GRIK3: variants seen among roughly 807,000 people sequenced by gnomAD.
The protein encoded by GRIK3 is glutamate ionotropic receptor kainate type subunit 3, also known as glutamate receptor ionotropic, kainate 3.
A neutral mutation model predicts 102.5 loss-of-function variants in GRIK3; 29 were observed. The ratio of observed to expected loss-of-function variants is 0.28; its 90% CI spans 0.21 to 0.39. The LOEUF (loss-of-function observed/expected upper bound fraction) is 0.39, where lower values mean the gene tolerates loss of function less well. Ranked by LOEUF, GRIK3 falls within the 10% of genes least tolerant of loss-of-function variation. The pLI is 1.00. For missense variants in GRIK3, 908 were observed against 1,252.4 expected, an observed-to-expected ratio of 0.73 and a Z score of 4.15; for synonymous variants, 511 against 504.9, an observed-to-expected ratio of 1.01 and a Z score of -0.16.
At chr1:36,960,490 C>T (rs911680955) in intron 1 of GRIK3, among the ~76,000 whole-genome samples, 4 of 152,282 alleles carry the variant, frequency 2.6e-5, no homozygotes, top group African/African-American at 9.6e-5. Flanking sequence ...ACTGGAAGCC[C>T]CTGGAGAAAG....
chr1:36,972,118 C>G (rs374337479), intron 1 of GRIK3, among the ~76,000 whole-genome samples: 6 of 152,328 alleles, frequency 3.9e-5, no homozygotes, highest in African/African-American at 1.2e-4. Context: ...CCAGGCCACA[C>G]GCGGAGGCTC....
chr1:36,932,573 A>G (rs1641607986), intron 1 of GRIK3, among the ~76,000 whole-genome samples: 2 of 152,218 alleles, frequency 1.3e-5, no homozygotes, highest in South Asian at 4.1e-4. Context: ...ATTTCCAATG[A>G]AGGGTCCGCA....
chr1:36,889,066 AG>A lies in GRIK3; in HGVS notation c.292+1853del, dbSNP rs553855855. On this transcript the variant is annotated intron_variant, in intron 2 of 15. Transcript: ENST00000373091. ...CAGGTTCTATAGTGGAGCAGTAAAA[AG>A]ACACGGGGGCTTGCAGACAAGTGGA... Among the ~76,000 whole-genome samples, 43 of 152,228 alleles carry A rather than the reference AG, an allele frequency of 2.8e-4. No homozygotes were observed. In the South Asian group the frequency reaches 8.9e-3, roughly 32 times the overall value.
chr1:36,962,147 G>A (rs1475697184), intron 1 of GRIK3, among the ~76,000 whole-genome samples: 3 of 152,288 alleles, frequency 2.0e-5, no homozygotes, highest in South Asian at 2.1e-4. Flanking sequence ...CAGACATCAC[G>A]AGGCATGGCT....
intron 13 of GRIK3, among the ~76,000 whole-genome samples, chr1:36,812,392 C>G (rs74064760): frequency 6.6e-6 from 1 of 152,124 alleles, no homozygotes; most frequent in Non-Finnish European, 1.5e-5. Context: ...GGTCTAAGTG[C>G]TTGGAGAAGC....
chr1:36,899,385 T>C (rs1426563616), intron 1 of GRIK3, among the ~76,000 whole-genome samples: 1 of 152,076 alleles, frequency 6.6e-6, no homozygotes, highest in Non-Finnish European at 1.5e-5. Context: ...GAATAAACAT[T>C]GAGGACAGTA....
At chr1:36,971,008 C>A (rs891125295) in intron 1 of GRIK3, among the ~76,000 whole-genome samples, 1 of 152,198 alleles carries the variant, frequency 6.6e-6, no homozygotes, top group African/African-American at 2.4e-5. Flanking sequence ...TGAGACACCA[C>A]CAGCCAGGCA....
chr1:36,936,414 G>A (rs1641657790), intron 1 of GRIK3, among the ~76,000 whole-genome samples: 1 of 152,170 alleles, frequency 6.6e-6, no homozygotes, highest in Non-Finnish European at 1.5e-5. Flanking sequence ...AAAATTCTCA[G>A]GTTCAATTCT....
intron 1 of GRIK3, among the ~76,000 whole-genome samples, chr1:37,015,462 A>G (rs548733145): frequency 1.3e-5 from 2 of 152,342 alleles, no homozygotes; most frequent in Admixed American, 1.3e-4. Flanking sequence ...GCAGAATAAT[A>G]AAATCTCAGG....
At chr1:36,860,832 C>T (rs1049470916) in intron 5 of GRIK3, among the ~76,000 whole-genome samples, 2 of 152,186 alleles carry the variant, frequency 1.3e-5, no homozygotes, top group Non-Finnish European at 2.9e-5. Context: ...GAAAACCACG[C>T]AAACCTGGAA....
rs1642505140 is a variant in GRIK3, at chr1:36,806,636, G to A, written c.2092-310C>T. On this transcript the variant is annotated intron_variant, in intron 13 of 15. Transcript: ENST00000373091. The surrounding 1 kb of genome is among the most constrained non-coding windows in gnomAD (Gnocchi z 4.0). ...TTTCTTTCTCTAAAATTTATTAAAA[G>A]TTAGCACGTTCAGGCTTTGTTCTAA... Among the ~76,000 whole-genome samples the A allele has an allele frequency of 1.3e-5, 2 of 152,178 alleles. No homozygotes were observed. The highest frequency in any genetic ancestry group is 1.3e-4 in the Admixed American group (2 of 15,274).
At chr1:36,934,067 ACT>A (rs1361741289) in intron 1 of GRIK3, among the ~76,000 whole-genome samples, 1 of 151,970 alleles carries the variant, frequency 6.6e-6, no homozygotes, top group Non-Finnish European at 1.5e-5. Context: ...GCTGCCCTCT[ACT>A]CTCTCTTCCA....
chr1:36,877,511 C>T (rs928106864), intron 3 of GRIK3, among the ~76,000 whole-genome samples: 3 of 152,170 alleles, frequency 2.0e-5, no homozygotes, highest in African/African-American at 7.2e-5. Context: ...CGCCTTTGCT[C>T]AGCAATACTC....
chr1:36,910,994 G>A (rs564518000), intron 1 of GRIK3, among the ~76,000 whole-genome samples: 6 of 152,304 alleles, frequency 3.9e-5, no homozygotes, highest in African/African-American at 9.6e-5. Flanking sequence ...TCTTGCGGAC[G>A]TCTTCATGGG....
intron 1 of GRIK3, among the ~76,000 whole-genome samples, chr1:36,932,966 A>C (rs2124315500): frequency 6.6e-6 from 1 of 152,322 alleles, no homozygotes; most frequent in East Asian, 1.9e-4. Context: ...CTAATAACCA[A>C]AACATGCCGA....
intron 1 of GRIK3, among the ~76,000 whole-genome samples, chr1:36,942,353 AG>A (rs1308819143): frequency 1.3e-5 from 2 of 152,216 alleles, no homozygotes; most frequent in African/African-American, 4.8e-5. Flanking sequence ...CCAGCTTGTC[AG>A]TTCTGCGGAA....
chr1:36,852,758 T>A (rs1346477950), intron 8 of GRIK3, among the ~76,000 whole-genome samples: 1 of 152,188 alleles, frequency 6.6e-6, no homozygotes, highest in Non-Finnish European at 1.5e-5. Context: ...CTACATTTCA[T>A]ACACAGCAAC....
At chr1:36,989,871 A>T (rs1642346561) in intron 1 of GRIK3, among the ~76,000 whole-genome samples, 1 of 152,208 alleles carries the variant, frequency 6.6e-6, no homozygotes, top group African/African-American at 2.4e-5. Context: ...CTGAGCAATC[A>T]CTTCATACCA....
At chr1:36,967,764 T>A (rs1339830414) in intron 1 of GRIK3, among the ~76,000 whole-genome samples, 1 of 152,236 alleles carries the variant, frequency 6.6e-6, no homozygotes, top group Non-Finnish European at 1.5e-5. Context: ...ATAGACAGGT[T>A]ACTTAAACTC....
Sources: allele counts gnomAD v4.1 joint callset (sites outside exome capture counted in the v4.1 genomes callset), GRCh38; gene constraint gnomAD v4.1.1; non-coding constraint Gnocchi (gnomAD v3.1); transcripts MANE v1.5; gene names NCBI Gene and HGNC (gene_info 2026-07-23, HGNC 2026-07-21).